Variants in CUX1 observed in about 807,000 individuals in gnomAD.
CUX1 encodes cut like homeobox 1.
Under a neutral mutation model 158.8 loss-of-function variants are expected in CUX1, and 31 were observed. The observed-to-expected ratio is 0.20, with a 90% CI of 0.15 to 0.26. The LOEUF (loss-of-function observed/expected upper bound fraction) is 0.26. Ranked by LOEUF, CUX1 falls within the 10% of genes least tolerant of loss-of-function variation. CUX1 has a pLI of 1.00. For missense variants in CUX1, 1,589 were observed against 2,014.6 expected (o/e 0.79, Z 4.04); for synonymous variants, 879 against 862.1 (o/e 1.02, Z -0.34).
chr7:101,835,809 C>T (rs917746783), intron 1 of CUX1, among the ~76,000 whole-genome samples: 5 of 152,200 alleles, frequency 3.3e-5, no homozygotes, highest in African/African-American at 1.2e-4. Flanking sequence ...GATCTTGGCT[C>T]ACTGCAATCT....
Position 102,258,095 on chromosome 7 carries a change from T to C in CUX1, c.*9053T>C, listed in dbSNP as rs1790101394. 1.0e-6 allele frequency: 1 copy of C among 985,236 alleles called. No individual in the cohort carries two copies. Among genetic ancestry groups the C allele is most frequent in the African/African-American group, 1.7e-5 (1 of 57,212 alleles). 61.0% of individuals were successfully genotyped at this position (985,236 alleles called of 1,614,324 possible). A position where few individuals can be genotyped will look rare whatever the true frequency, so the allele number is the denominator to read the frequency against. On this transcript the variant is annotated 3_prime_UTR_variant, in exon 24 of 24. Coordinates refer to ENST00000292535, the MANE Select transcript of CUX1 (RefSeq NM_181552.4). ...CCTCTGTCTTTGGTTAGCCATACGA[T>C]GTTTGTTCTCAGCACTGTACAACGG... is the stretch of plus-strand genomic sequence containing the variant.
intron 1 of CUX1, among the ~76,000 whole-genome samples, chr7:101,840,320 A>C (rs1162278202): frequency 6.6e-6 from 1 of 152,138 alleles, no homozygotes; most frequent in African/African-American, 2.4e-5. Context: ...GGTGGTGGTG[A>C]TAGAGGCTGC....
At chr7:102,039,730 C>T (rs1821850046) in intron 3 of CUX1, among the ~76,000 whole-genome samples, 1 of 152,038 alleles carries the variant, frequency 6.6e-6, no homozygotes, top group Non-Finnish European at 1.5e-5. Context: ...CCTGAAGCCC[C>T]CTTCCCTTCT....
intron 2 of CUX1, among the ~76,000 whole-genome samples, chr7:102,011,742 A>G (rs1479444724): frequency 6.6e-6 from 1 of 152,074 alleles, no homozygotes; most frequent in East Asian, 1.9e-4. Context: ...TCGGTACCTA[A>G]CCAGGGCAGG....
chr7:102,240,478 A>C (rs1457310222), intron 23 of CUX1, among the ~76,000 whole-genome samples: 3 of 151,826 alleles, frequency 2.0e-5, no homozygotes, highest in African/African-American at 7.3e-5. Context: ...AGCTGGTCTC[A>C]AACTCCTGGC....
At chr7:101,833,600 A>G (rs895784239) in intron 1 of CUX1, among the ~76,000 whole-genome samples, 1 of 150,646 alleles carries the variant, frequency 6.6e-6, no homozygotes, top group Admixed American at 6.6e-5. Flanking sequence ...TCCAAAAGCA[A>G]GCTTATGGAG....
chr7:101,907,310 T>A lies in CUX1; in HGVS notation c.31-8805T>A, dbSNP rs75200681. Reference sequence around the variant, plus strand: ...CAGCCCTTCAAAGCCTAGGTCTCCTTACTAGAGGGGAAGAAATGAGATTTT... The same window carrying A: ...CAGCCCTTCAAAGCCTAGGTCTCCTAACTAGAGGGGAAGAAATGAGATTTT... On this transcript the variant is annotated intron_variant, in intron 1 of 23. Coordinates refer to ENST00000292535, the MANE Select transcript of CUX1 (RefSeq NM_181552.4). Among the ~76,000 whole-genome samples the A allele has an allele frequency of 6.0e-3, 910 of 152,240 alleles. 6 individuals are homozygous for A. The highest frequency in any genetic ancestry group is 0.021 in the African/African-American group (861 of 41,550).
Position 102,248,020 on chromosome 7 carries a change from A to G in CUX1, c.3888-392A>G, listed in dbSNP as rs981885165. On this transcript the variant is annotated intron_variant, in intron 23 of 23. Transcript: ENST00000292535. The surrounding 1 kb of genome is among the most constrained non-coding windows in gnomAD (Gnocchi z 5.8). ...GTAGTGGGTGACTGTAATCCCAGGT[A>G]CTCTGGAGGCTGAGGCAGGAGAATC... Among the ~76,000 whole-genome samples the G allele has an allele frequency of 2.0e-5, 3 of 152,048 alleles. No individual in the cohort carries two copies. Among genetic ancestry groups the G allele is most frequent in the African/African-American group, 4.8e-5 (2 of 41,384 alleles).
chr7:102,158,413 T>C (rs1298065746), intron 8 of CUX1, 147 bp from the exon 9 acceptor site: 4 of 657,962 alleles, frequency 6.1e-6, no homozygotes, highest in Non-Finnish European at 1.1e-5. Context: ...CTTCCCCCAG[T>C]GTGAGCCCAC....
At chr7:102,051,060 C>T (rs1173902024) in intron 3 of CUX1, among the ~76,000 whole-genome samples, 2 of 152,108 alleles carry the variant, frequency 1.3e-5, no homozygotes, top group East Asian at 3.9e-4. Context: ...GCCCCCACCC[C>T]GGGCGTGGTC....
intron 2 of CUX1, among the ~76,000 whole-genome samples, chr7:101,946,563 AAAG>A (rs1458496854): frequency 3.3e-5 from 5 of 151,142 alleles, no homozygotes; most frequent in African/African-American, 9.7e-5. Flanking sequence ...AAAAAAAAAA[AAAG>A]AGAGAAGGGT....
intron 4 of CUX1, among the ~76,000 whole-genome samples, chr7:102,086,929 A>G (rs1201669148): frequency 6.6e-6 from 1 of 152,090 alleles, no homozygotes; most frequent in African/African-American, 2.4e-5. Flanking sequence ...ATCGTAAAGT[A>G]TTCTTTTTCT....
chr7:102,113,756 G>A (rs1451015851), intron 7 of CUX1, among the ~76,000 whole-genome samples: 3 of 151,948 alleles, frequency 2.0e-5, no homozygotes, highest in African/African-American at 7.3e-5. Context: ...TATGGACATG[G>A]AGTCTCACTG....
At chr7:102,032,109 G>A (rs534444218) in intron 3 of CUX1, among the ~76,000 whole-genome samples, 1 of 151,688 alleles carries the variant, frequency 6.6e-6, no homozygotes, top group South Asian at 2.1e-4. Context: ...GTATTTTTTG[G>A]TAGAGGTGGG....
intron 1 of CUX1, chr7:101,913,325 G>C (rs184795787): frequency 7.9e-7 from 1 of 1,264,140 alleles, no homozygotes; most frequent in Non-Finnish European, 1.0e-6. Flanking sequence ...TTCCCATGCC[G>C]ACCTGCATAT....
Position 102,229,620 on chromosome 7 carries a change from T to TC in CUX1, c.3433+1951_3433+1952insC, listed in dbSNP as rs1328588294. Reference sequence around the variant, plus strand: ...AGCCACCGTGTCTGGCCTTTTTTTTTTTTTTTTTTTTTTTTGAGACAGAGT... The same window carrying TC: ...AGCCACCGTGTCTGGCCTTTTTTTTTCTTTTTTTTTTTTTTTGAGACAGAGT... On this transcript the variant is annotated intron_variant, in intron 21 of 23. Coordinates refer to ENST00000292535, the MANE Select transcript of CUX1 (RefSeq NM_181552.4). Among the ~76,000 whole-genome samples the TC allele has an allele frequency of 6.4e-5, 9 of 140,460 alleles. No homozygotes were observed. In the East Asian group the frequency reaches 1.8e-3, roughly 29 times the overall value. The allele number at this position is 140,460 out of a possible 152,430, so 92.1% of individuals were successfully genotyped here.
chr7:102,016,788 T>A (rs1585286946), intron 2 of CUX1, among the ~76,000 whole-genome samples: 1 of 152,348 alleles, frequency 6.6e-6, no homozygotes, highest in South Asian at 2.1e-4. Context: ...TTCTTACGGA[T>A]AGACTCCTGA....
At chr7:102,034,145 CA>C (rs10655613) in intron 3 of CUX1, among the ~76,000 whole-genome samples, 12 of 48,612 alleles carry the variant, frequency 2.5e-4, no homozygotes, top group Non-Finnish European at 3.0e-4. Context: ...GACTCCATCT[CA>C]AAAAAAAAAA....
intron 12 of CUX1, among the ~76,000 whole-genome samples, chr7:102,191,709 C>T (rs113718542): frequency 6.6e-6 from 1 of 151,960 alleles, no homozygotes; most frequent in Non-Finnish European, 1.5e-5. Context: ...TTGTCGTCTT[C>T]GTTGTCTTCT....
Sources: allele counts gnomAD v4.1 joint callset (sites outside exome capture counted in the v4.1 genomes callset), GRCh38; gene constraint gnomAD v4.1.1; non-coding constraint Gnocchi (gnomAD v3.1); transcripts MANE v1.5; gene names NCBI Gene and HGNC (gene_info 2026-07-23, HGNC 2026-07-21).